The following GABBR1 variants were observed in gnomAD, a reference collection of about 807,000 sequenced individuals.
GABBR1 encodes the protein gamma-aminobutyric acid type B receptor subunit 1.
GABBR1 carries 35 observed loss-of-function variants against 117.7 expected under a neutral mutation model. The observed-to-expected ratio is 0.30, with a 90% confidence interval of 0.23 to 0.39. The LOEUF (loss-of-function observed/expected upper bound fraction) is 0.39, where lower values mean the gene tolerates loss of function less well. Ranked by LOEUF, GABBR1 falls within the 10% of genes least tolerant of loss-of-function variation. The probability of loss-of-function intolerance (pLI) is 1.00; values close to 1 mark genes in which losing one functional copy is unlikely to be tolerated. For synonymous variants in GABBR1, 442 were observed against 486.6 expected, an observed-to-expected ratio of 0.91 and a Z score of 1.21; for missense variants, 709 against 1,241.8, an observed-to-expected ratio of 0.57 and a Z score of 6.45.
At position 29,632,812 on chromosome 6, in the gene GABBR1, CT is replaced by C. The variant is rs1412515173; in HGVS notation, c.-1+37del. The C allele has an allele frequency of 1.2e-5, 8 of 653,812 alleles. No individual in the cohort carries two copies. The African/African-American group carries it at 1.4e-4, about 12-fold the overall frequency. The allele number at this position is 653,812 out of a possible 1,614,324, so 40.5% of individuals were successfully genotyped here. The stretch of plus-strand genomic sequence containing the variant: ...CCTCCCCCACCACGCCGCGCGCCCC[CT>C]CTCCGAGCCCTGCTAACCCGGGGCC... On this transcript the variant is annotated intron_variant, in intron 1 of 22. Coordinates refer to ENST00000377034, the MANE Select transcript of GABBR1 (RefSeq NM_001470.4). The surrounding 1 kb of genome is among the most constrained non-coding windows in gnomAD (Gnocchi z 5.8).
Position 29,632,892 on chromosome 6 carries a change from A to G in GABBR1, c.-43T>C, listed in dbSNP as rs2127457814. The G allele has an allele frequency of 1.3e-5, 3 of 236,384 alleles. No homozygotes were observed. The highest frequency in any genetic ancestry group is 1.1e-4 in the South Asian group (3 of 27,982). The allele number at this position is 236,384 out of a possible 1,614,324, so 14.6% of individuals were successfully genotyped here. On this transcript the variant is annotated 5_prime_UTR_variant, in exon 1 of 23. Coordinates refer to ENST00000377034, the MANE Select transcript of GABBR1 (RefSeq NM_001470.4). This position sits in a 1 kb window ranked among gnomAD's most constrained non-coding sequence, Gnocchi z 5.8. ...GCTCCCCGGCTCTCCCCGGGCCTCAAGGCCCCAGGCCCGGCCGCTCCTCCC... is the reference window on the plus strand; with the variant it reads ...GCTCCCCGGCTCTCCCCGGGCCTCAGGGCCCCAGGCCCGGCCGCTCCTCCC...
At chr6:29,615,135 A>C (rs1027925125) in intron 11 of GABBR1, among the ~76,000 whole-genome samples, 1 of 151,814 alleles carries the variant, frequency 6.6e-6, no homozygotes, top group Non-Finnish European at 1.5e-5. Flanking sequence ...AATACAAAAA[A>C]TTAGCTGGGC....
rs1762761358 is a variant in GABBR1, at chr6:29,613,484, G to A, written c.1325C>T (p.Thr442Ile). 1 of 1,611,294 alleles carries A rather than the reference G, an allele frequency of 6.2e-7. No individual in the cohort carries two copies. The highest frequency in any genetic ancestry group is 1.3e-5 in the African/African-American group (1 of 74,868). ...PANTRSISNM[T>I]SQEFVEKLTK... The stretch of plus-strand genomic sequence containing the variant: ...TAGTTTCTCCACAAATTCCTGGGAT[G>A]TCTTGGGAGGAAAAAATCATGAGGA... The change falls in exon 12 of 23, where the codon ACA becomes ATA. Residue 442 changes from threonine to isoleucine, a missense_variant and splice_region_variant. Transcript: ENST00000377034. This position sits in a 1 kb window ranked among gnomAD's most constrained non-coding sequence, Gnocchi z 4.1.
intron 11 of GABBR1, among the ~76,000 whole-genome samples, chr6:29,618,195 T>A (rs1327528132): frequency 1.3e-5 from 2 of 152,156 alleles, no homozygotes. Context: ...AAGGTAAATA[T>A]GGCATCAAAA....
rs1763983066 is a variant in GABBR1, at chr6:29,623,650, C to T, written c.793-175G>A. On this transcript the variant is annotated intron_variant, in intron 7 of 22. Transcript: ENST00000377034. This position sits in a 1 kb window ranked among gnomAD's most constrained non-coding sequence, Gnocchi z 6.2. ...GATTCTCAAAGGCCCACACACCCCT[C>T]ACAACCGGGATGCTCTTTCACTGAT... Among the ~76,000 whole-genome samples the T allele has an allele frequency of 6.6e-6, 1 of 152,194 alleles. No homozygotes were observed. Among genetic ancestry groups the T allele is most frequent in the Admixed American group, 6.5e-5 (1 of 15,274 alleles).
At chr6:29,610,633 AGTTT>A (rs1762441931) in intron 14 of GABBR1, among the ~76,000 whole-genome samples, 1 of 151,990 alleles carries the variant, frequency 6.6e-6, no homozygotes, top group African/African-American at 2.4e-5. Context: ...ACCCAAATGG[AGTTT>A]CCATTTCCCG....
Position 29,627,376 on chromosome 6 carries a change from G to T in GABBR1, c.657+110C>A. ...CTCCTGCCAGTCACACAAGGGAGGG[G>T]TCTGCCTCGCAATCCCAGAGACGAC... On this transcript the variant is annotated intron_variant, in intron 6 of 22. Coordinates refer to ENST00000377034, the MANE Select transcript of GABBR1 (RefSeq NM_001470.4). The surrounding 1 kb of genome is among the most constrained non-coding windows in gnomAD (Gnocchi z 4.4). 1 of 1,129,468 alleles carries T rather than the reference G, an allele frequency of 8.9e-7. No homozygotes were observed. Among genetic ancestry groups the T allele is most frequent in the Non-Finnish European group, 1.3e-6 (1 of 793,828 alleles). The allele number at this position is 1,129,468 out of a possible 1,614,324, so 70.0% of individuals were successfully genotyped here. A position where few individuals can be genotyped will look rare whatever the true frequency, so the allele number is the denominator to read the frequency against.
Position 29,611,245 on chromosome 6 carries a change from T to C in GABBR1, c.1631-244A>G. The C allele has an allele frequency of 2.3e-6, 1 of 442,096 alleles. No homozygotes were observed. The highest frequency in any genetic ancestry group is 4.0e-6 in the Non-Finnish European group (1 of 248,264). 27.4% of individuals were successfully genotyped at this position (442,096 alleles called of 1,614,324 possible). On this transcript the variant is annotated intron_variant, in intron 13 of 22. Transcript: ENST00000377034. This position sits in a 1 kb window ranked among gnomAD's most constrained non-coding sequence, Gnocchi z 4.6. Reference sequence around the variant, plus strand: ...AATATCTATGTTTAAAAGTCTTCAGTGAGGAGGCTCCACAACATGTCTGCC... The same window carrying C: ...AATATCTATGTTTAAAAGTCTTCAGCGAGGAGGCTCCACAACATGTCTGCC...
rs761532280 is a variant in GABBR1, at chr6:29,630,557, G to A, written c.376C>T (p.Arg126Trp). 4.0e-5 allele frequency: 65 copies of A among 1,612,928 alleles called. No individual in the cohort carries two copies. The highest frequency in any genetic ancestry group is 5.3e-5 in the Non-Finnish European group (62 of 1,180,028). ...TCGGGGTCACACCGGAAATCCACCC[G>A]GGCTCCGTCCAGAGCTGGGAGGTCC... ...GGDLPALDGA[R>W]VDFRCDPDFH... Residue 126 changes from arginine (R) to tryptophan (W), a missense_variant, in exon 4 of 23, where the codon CGG becomes TGG. Physicochemically the swap from Arg to Trp is moderately radical, Grantham distance 101. Around this residue, in one of 9 missense-constraint regions of GABBR1, gnomAD observed 101 missense variants for 132.3 expected, o/e 0.76. Coordinates refer to ENST00000377034, the MANE Select transcript of GABBR1 (RefSeq NM_001470.4). This position sits in a 1 kb window ranked among gnomAD's most constrained non-coding sequence, Gnocchi z 4.9.
chr6:29,605,226 T>C lies in GABBR1; in HGVS notation c.2440-238A>G. The C allele has an allele frequency of 1.7e-6, 1 of 576,630 alleles. No homozygotes were observed. Among genetic ancestry groups the C allele is most frequent in the South Asian group, 2.5e-5 (1 of 40,722 alleles). 35.7% of individuals were successfully genotyped at this position (576,630 alleles called of 1,614,324 possible). A position where few individuals can be genotyped will look rare whatever the true frequency, so the allele number is the denominator to read the frequency against. ...AAGGCAGGAACTCCCAGGATCTCTA[T>C]GCACAGATTCCGGGTCCTCCAGAGT... On this transcript the variant is annotated intron_variant, in intron 20 of 22. Coordinates refer to ENST00000377034, the MANE Select transcript of GABBR1 (RefSeq NM_001470.4). The surrounding 1 kb of genome is among the most constrained non-coding windows in gnomAD (Gnocchi z 4.2).
In GABBR1 at chr6:29,607,499, C is replaced by T. The variant is rs113263231; in HGVS notation, c.1993-281G>A. Among the ~76,000 whole-genome samples the T allele has an allele frequency of 1.5e-3, 229 of 152,248 alleles. 1 individual carries two copies. Among genetic ancestry groups the T allele is most frequent in the African/African-American group, 5.0e-3 (209 of 41,546 alleles). On this transcript the variant is annotated intron_variant, in intron 16 of 22. Coordinates refer to ENST00000377034, the MANE Select transcript of GABBR1 (RefSeq NM_001470.4). The surrounding 1 kb of genome is among the most constrained non-coding windows in gnomAD (Gnocchi z 5.0). ...GTGGCCAAAAACCTCCAACCACTCC[C>T]CAATATCTATAAGTTATAGCCTGAA... is the stretch of plus-strand genomic sequence containing the variant.
Position 29,622,313 on chromosome 6 carries a change from A to G in GABBR1, c.964-108T>C. 2 of 748,514 alleles carry G rather than the reference A, an allele frequency of 2.7e-6. No individual in the cohort carries two copies. The highest frequency in any genetic ancestry group is 4.6e-6 in the Non-Finnish European group (2 of 430,738). The allele number at this position is 748,514 out of a possible 1,614,324, so 46.4% of individuals were successfully genotyped here. A position where few individuals can be genotyped will look rare whatever the true frequency, so the allele number is the denominator to read the frequency against. On this transcript the variant is annotated intron_variant, in intron 8 of 22. Transcript: ENST00000377034. The surrounding 1 kb of genome is among the most constrained non-coding windows in gnomAD (Gnocchi z 4.6). Reference sequence around the variant, plus strand: ...GAGCAATACTCAGATAGAGCAAAGAAGCAGCCATTCTGAACCTTCCTTCAA... The same window carrying G: ...GAGCAATACTCAGATAGAGCAAAGAGGCAGCCATTCTGAACCTTCCTTCAA...
intron 6 of GABBR1, among the ~76,000 whole-genome samples, chr6:29,624,576 C>T (rs1468747488): frequency 1.3e-5 from 2 of 152,022 alleles, no homozygotes; most frequent in Admixed American, 6.6e-5. Flanking sequence ...TAGGGGGTCC[C>T]GCTCAGTGAT....
In GABBR1 at chr6:29,606,050, C is replaced by A; in HGVS notation, c.2311+341G>T. The A allele has an allele frequency of 1.9e-6, 1 of 515,512 alleles. No individual in the cohort carries two copies. Among genetic ancestry groups the A allele is most frequent in the African/African-American group, 1.9e-5 (1 of 52,912 alleles). 31.9% of individuals were successfully genotyped at this position (515,512 alleles called of 1,614,324 possible). ...GCTTTCCAGGCAGAGGGTAGGTTTG[C>A]AATTTGTGACCATGAATCGAACAAT... On this transcript the variant is annotated intron_variant, in intron 19 of 22. Coordinates refer to ENST00000377034, the MANE Select transcript of GABBR1 (RefSeq NM_001470.4). This position sits in a 1 kb window ranked among gnomAD's most constrained non-coding sequence, Gnocchi z 4.5.
chr6:29,624,868 T>C (rs28359982), intron 6 of GABBR1, among the ~76,000 whole-genome samples: 14,875 of 151,866 alleles, frequency 0.098, 855 homozygotes, highest in Middle Eastern at 0.21. Context: ...CTCCCACTGA[T>C]ATATGACATT....
chr6:29,632,365 C>CAGT lies in GABBR1; in HGVS notation c.18_20dup (p.Leu7dup). ...CCGGGGGGCGGAGGAAGAGTGGCGC[C>CAGT]AGTAGCAGCAGCAGCAACATCTAAG... is the stretch of plus-strand genomic sequence containing the variant. On this transcript the variant is annotated inframe_insertion, in exon 2 of 23. Transcript: ENST00000377034. This position sits in a 1 kb window ranked among gnomAD's most constrained non-coding sequence, Gnocchi z 5.8. 1 of 1,347,718 alleles carries CAGT rather than the reference C, an allele frequency of 7.4e-7. No individual in the cohort carries two copies. Among genetic ancestry groups the CAGT allele is most frequent in the Non-Finnish European group, 9.6e-7 (1 of 1,044,370 alleles). 83.5% of individuals were successfully genotyped at this position (1,347,718 alleles called of 1,614,324 possible). A position where few individuals can be genotyped will look rare whatever the true frequency, so the allele number is the denominator to read the frequency against.
Position 29,620,991 on chromosome 6 carries a change from T to G in GABBR1, c.1323+110A>C. 1.2e-6 allele frequency: 1 copy of G among 866,206 alleles called. No individual in the cohort carries two copies. The highest frequency in any genetic ancestry group is 2.6e-5 in the East Asian group (1 of 38,232). 53.7% of individuals were successfully genotyped at this position (866,206 alleles called of 1,614,324 possible). ...TCAGGGTGGGCACAGCCCCCTCTTC[T>G]CCTTTATATCCAAATTCCGCACCCT... is the stretch of plus-strand genomic sequence containing the variant. On this transcript the variant is annotated intron_variant, in intron 11 of 22. Coordinates refer to ENST00000377034, the MANE Select transcript of GABBR1 (RefSeq NM_001470.4). The surrounding 1 kb of genome is among the most constrained non-coding windows in gnomAD (Gnocchi z 4.5).
Position 29,630,465 on chromosome 6 carries a change from G to T in GABBR1, c.468C>A (p.His156Gln), listed in dbSNP as rs768031345. 5.0e-6 allele frequency: 8 copies of T among 1,611,074 alleles called. No individual in the cohort carries two copies. The highest frequency in any genetic ancestry group is 6.8e-6 in the Non-Finnish European group (8 of 1,178,466). ...SQGQWSTPKP[H>Q]CQVNRTPHSE... ...GGCAGCTGTTCCCCTCACCCTGGCAGTGGGGCTTGGGGGTGCTCCACTGGC... is the reference window on the plus strand; with the variant it reads ...GGCAGCTGTTCCCCTCACCCTGGCATTGGGGCTTGGGGGTGCTCCACTGGC... The change falls in exon 4 of 23, where the codon CAC becomes CAA. Residue 156 changes from histidine (H) to glutamine (Q), a missense_variant. Physicochemically the swap from His to Gln is conservative, Grantham distance 24. This residue lies in a region of GABBR1 where 192 missense variants were observed against 418.4 expected (regional missense o/e 0.46). Transcript: ENST00000377034. The surrounding 1 kb of genome is among the most constrained non-coding windows in gnomAD (Gnocchi z 4.9).
chr6:29,606,604 C>T lies in GABBR1; in HGVS notation c.2218-120G>A. 1.3e-6 allele frequency: 1 copy of T among 758,006 alleles called. No individual in the cohort carries two copies. Among genetic ancestry groups the T allele is most frequent in the Non-Finnish European group, 2.3e-6 (1 of 427,880 alleles). 47.0% of individuals were successfully genotyped at this position (758,006 alleles called of 1,614,324 possible). On this transcript the variant is annotated intron_variant, in intron 18 of 22. Coordinates refer to ENST00000377034, the MANE Select transcript of GABBR1 (RefSeq NM_001470.4). This position sits in a 1 kb window ranked among gnomAD's most constrained non-coding sequence, Gnocchi z 4.5. ...GAGACCCTCAATGCTGATGCCAAATCTCATTCTAGGCCTAAGAATGTTTTC... is the reference window on the plus strand; with the variant it reads ...GAGACCCTCAATGCTGATGCCAAATTTCATTCTAGGCCTAAGAATGTTTTC...
Sources: allele counts gnomAD v4.1 joint callset (sites outside exome capture counted in the v4.1 genomes callset), GRCh38; gene constraint gnomAD v4.1.1; regional missense constraint gnomAD v4.1.1; non-coding constraint Gnocchi (gnomAD v3.1); transcripts MANE v1.5; gene names NCBI Gene and HGNC (gene_info 2026-07-23, HGNC 2026-07-21).